WDFY4: variants seen among roughly 807,000 people sequenced by gnomAD.
The protein encoded by WDFY4 is WD repeat- and FYVE domain-containing protein 4.
In WDFY4, 169 loss-of-function variants were observed where a neutral mutation model predicts 351.9. The observed-to-expected ratio is 0.48, with a 90% CI of 0.42 to 0.55. WDFY4 has a LOEUF of 0.55. Ranked by LOEUF, WDFY4 falls within the 20% of genes least tolerant of loss-of-function variation. The pLI is 0.00. For synonymous variants in WDFY4, 1,622 were observed against 1,574.6 expected, an observed-to-expected ratio of 1.03 and a Z score of -0.71; for missense variants, 3,803 against 3,935.6, an observed-to-expected ratio of 0.97 and a Z score of 0.90.
chr10:48,743,167 A>G lies in WDFY4; in HGVS notation c.2078A>G (p.His693Arg), dbSNP rs1565151793. The change falls in exon 12 of 62, where the codon CAC becomes CGC. Residue 693 changes from histidine (H) to arginine (R), a missense_variant. Transcript: ENST00000325239. ...CTCTGTGCTGTGTCCGCAGCGCTGC[A>G]CTGGGACCCTGTCAATGGCTACTTC... ...YTLCAVSAAL[H>R]WDPVNGYFFR... is the part of the protein sequence containing the mutation. 2 of 1,551,680 alleles carry G rather than the reference A, an allele frequency of 1.3e-6. No individual in the cohort carries two copies. The highest frequency in any genetic ancestry group is 1.7e-4 in the Middle Eastern group (1 of 5,992).
chr10:48,819,034 C>T (rs2067720073), intron 32 of WDFY4, among the ~76,000 whole-genome samples: 1 of 152,222 alleles, frequency 6.6e-6, no homozygotes, highest in Admixed American at 6.5e-5. Context: ...GCCAGGCTCG[C>T]CATCTGCTGA....
chr10:48,760,505 A>G (rs999696086), intron 13 of WDFY4, 65 bp downstream of exon 13: 1 of 1,492,946 alleles, frequency 6.7e-7, no homozygotes, highest in South Asian at 1.2e-5. Context: ...ATGCCTTCTG[A>G]CCCAAGACAG....
intron 46 of WDFY4, 102 bp downstream of exon 46, chr10:48,900,408 CA>C: frequency 1.8e-6 from 2 of 1,104,730 alleles, no homozygotes; most frequent in Non-Finnish European, 2.6e-6. Context: ...GTTCTCAACC[CA>C]CAGTGAACGC....
chr10:48,937,106 C>T (rs1589948780), intron 47 of WDFY4, among the ~76,000 whole-genome samples: 1 of 152,000 alleles, frequency 6.6e-6, no homozygotes. Flanking sequence ...GTTGGCTAGG[C>T]TGGTCTCGAA....
In WDFY4 at chr10:48,719,953, T is replaced by C. The variant is rs552798264; in HGVS notation, c.235-58T>C. 9.6e-6 allele frequency: 14 copies of C among 1,454,066 alleles called. No homozygotes were observed. The African/African-American group carries it at 1.8e-4, about 19-fold the overall frequency. 90.1% of individuals were successfully genotyped at this position (1,454,066 alleles called of 1,614,324 possible). On this transcript the variant is annotated intron_variant, in intron 2 of 61. Transcript: ENST00000325239. ...TGGTGAAGGGTGGCATGGCAGGCAG[T>C]GCTCATGCCCTGCTTGTGGCATTGC...
chr10:48,797,176 A>G (rs2132802042), intron 24 of WDFY4, among the ~76,000 whole-genome samples: 1 of 152,286 alleles, frequency 6.6e-6, no homozygotes, highest in Middle Eastern at 3.4e-3. Flanking sequence ...GCTATTTGCA[A>G]ATACTGTACA....
At chr10:48,704,534 C>T (rs1024998188) in intron 1 of WDFY4, among the ~76,000 whole-genome samples, 2 of 152,308 alleles carry the variant, frequency 1.3e-5, no homozygotes, top group Middle Eastern at 3.4e-3. Flanking sequence ...CTGAACCCTT[C>T]CCCTAAAAGC....
intron 21 of WDFY4, among the ~76,000 whole-genome samples, 181 bp from the exon 22 acceptor site, chr10:48,789,693 A>G (rs1006830750): frequency 2.8e-4 from 43 of 152,238 alleles, no homozygotes; most frequent in African/African-American, 1.0e-3. Context: ...GACAGAATGC[A>G]TGAGCCTGAA....
intron 47 of WDFY4, among the ~76,000 whole-genome samples, chr10:48,924,711 G>A (rs1290127605): frequency 6.6e-6 from 1 of 152,186 alleles, no homozygotes; most frequent in Non-Finnish European, 1.5e-5. Context: ...GAATCAAACA[G>A]CATGGTGGGA....
intron 61 of WDFY4, 103 bp from the exon 62 acceptor site, chr10:48,982,406 G>C (rs565248622): frequency 9.7e-7 from 1 of 1,026,312 alleles, no homozygotes; most frequent in Non-Finnish European, 1.4e-6. Context: ...GGCAAGCTCC[G>C]CTGGGCCCCA....
Position 48,790,713 on chromosome 10 carries a change from T to C in WDFY4, c.4067-14T>C, listed in dbSNP as rs768512382. 4.2e-5 allele frequency: 65 copies of C among 1,550,206 alleles called. No homozygotes were observed. Among genetic ancestry groups the C allele is most frequent in the Admixed American group, 9.8e-5 (5 of 50,860 alleles). On this transcript the variant is annotated splice_polypyrimidine_tract_variant and intron_variant, in intron 22 of 61. Coordinates refer to ENST00000325239, the MANE Select transcript of WDFY4 (RefSeq NM_001394531.1). ...TGTGACATGTTGATGAAATGCCCACTTTATGCCACACAGGGGTGAGGGTAT... is the reference window on the plus strand; with the variant it reads ...TGTGACATGTTGATGAAATGCCCACCTTATGCCACACAGGGGTGAGGGTAT...
chr10:48,816,846 T>G (rs545063481), intron 31 of WDFY4, among the ~76,000 whole-genome samples: 2 of 152,222 alleles, frequency 1.3e-5, no homozygotes, highest in Non-Finnish European at 2.9e-5. Context: ...AGATCTAACA[T>G]GTATGTATAT....
At chr10:48,718,347 G>GGCTTT in intron 2 of WDFY4, among the ~76,000 whole-genome samples, 1 of 152,180 alleles carries the variant, frequency 6.6e-6, no homozygotes, top group Non-Finnish European at 1.5e-5. Flanking sequence ...ATAAAGGGAA[G>GGCTTT]ATTTTTGAAG....
At chr10:48,870,579 A>C (rs1348851089) in intron 40 of WDFY4, among the ~76,000 whole-genome samples, 2 of 151,808 alleles carry the variant, frequency 1.3e-5, no homozygotes, top group Non-Finnish European at 2.9e-5. Flanking sequence ...AAAAGAAAGA[A>C]ATTGTAGTTG....
chr10:48,921,736 CAA>C (rs1302171778), intron 47 of WDFY4, among the ~76,000 whole-genome samples: 1 of 151,828 alleles, frequency 6.6e-6, no homozygotes, highest in Non-Finnish European at 1.5e-5. Context: ...AGAAAGCAAA[CAA>C]TACAATTTTT....
At chr10:48,905,912 C>G (rs1237966386) in intron 47 of WDFY4, among the ~76,000 whole-genome samples, 1 of 152,228 alleles carries the variant, frequency 6.6e-6, no homozygotes, top group East Asian at 1.9e-4. Context: ...GCAGGTGGCT[C>G]TCCTTGCTCT....
intron 1 of WDFY4, among the ~76,000 whole-genome samples, chr10:48,704,010 C>G (rs549383538): frequency 1.3e-5 from 2 of 152,062 alleles, no homozygotes; most frequent in African/African-American, 2.4e-5. Flanking sequence ...CCTGCAGGCT[C>G]GCCATCTGGT....
At chr10:48,760,199 G>C (rs1431842626) in intron 12 of WDFY4, 148 bp from the exon 13 acceptor site, 8 of 663,890 alleles carry the variant, frequency 1.2e-5, no homozygotes, top group African/African-American at 5.4e-5. Flanking sequence ...AGGAAATTAG[G>C]CTCGATGGAG....
Position 48,731,095 on chromosome 10 carries a change from T to G in WDFY4, c.1130-15T>G. The G allele has an allele frequency of 6.6e-7, 1 of 1,509,214 alleles. No individual in the cohort carries two copies. Among genetic ancestry groups the G allele is most frequent in the Non-Finnish European group, 8.9e-7 (1 of 1,123,638 alleles). The allele number at this position is 1,509,214 out of a possible 1,614,324, so 93.5% of individuals were successfully genotyped here. A position where few individuals can be genotyped will look rare whatever the true frequency, so the allele number is the denominator to read the frequency against. ...GAGAAATGACTTGTAAGATCATTCT[T>G]GTTTTCCTCCTCAGGGGTGACTGTT... On this transcript the variant is annotated splice_polypyrimidine_tract_variant and intron_variant, in intron 8 of 61. Coordinates refer to ENST00000325239, the MANE Select transcript of WDFY4 (RefSeq NM_001394531.1).
Sources: allele counts gnomAD v4.1 joint callset (sites outside exome capture counted in the v4.1 genomes callset), GRCh38; gene constraint gnomAD v4.1.1; transcripts MANE v1.5; gene names NCBI Gene and HGNC (gene_info 2026-07-23, HGNC 2026-07-21).